SLC1A2: variants seen among roughly 807,000 people sequenced by gnomAD.
SLC1A2 encodes excitatory amino acid transporter 2.
Under a neutral mutation model 48.8 loss-of-function variants are expected in SLC1A2, and 15 were observed. The ratio of observed to expected loss-of-function variants is 0.31; its 90% CI spans 0.21 to 0.47. SLC1A2 has a LOEUF of 0.47. Ranked by LOEUF, SLC1A2 falls within the 20% of genes least tolerant of loss-of-function variation. The probability of loss-of-function intolerance (pLI) is 0.99; values close to 1 mark genes in which losing one functional copy is unlikely to be tolerated. For missense variants in SLC1A2, 502 were observed against 730.5 expected (o/e 0.69, Z 3.61); for synonymous variants, 279 against 272.6 (o/e 1.02, Z -0.23).
intron 1 of SLC1A2, among the ~76,000 whole-genome samples, chr11:35,349,530 T>C (rs1853164618): frequency 6.6e-6 from 1 of 152,162 alleles, no homozygotes; most frequent in Non-Finnish European, 1.5e-5. Flanking sequence ...CTCCCTTCCG[T>C]TAGTGAGAAA....
At chr11:35,378,050 A>G (rs778150671) in intron 1 of SLC1A2, among the ~76,000 whole-genome samples, 8 of 152,236 alleles carry the variant, frequency 5.3e-5, no homozygotes, top group Non-Finnish European at 1.2e-4. Context: ...ATAAAGCCAT[A>G]CAGAACCACA....
chr11:35,304,562 A>G (rs1851447891), intron 5 of SLC1A2, among the ~76,000 whole-genome samples: 1 of 152,116 alleles, frequency 6.6e-6, no homozygotes, highest in South Asian at 2.1e-4. Context: ...AACAATGTTT[A>G]TTGATCTTCC....
chr11:35,411,225 T>C (rs1331119261), intron 1 of SLC1A2, among the ~76,000 whole-genome samples: 1 of 152,220 alleles, frequency 6.6e-6, no homozygotes. Context: ...ATATTTATTC[T>C]TCACACCTTT....
intron 1 of SLC1A2, among the ~76,000 whole-genome samples, chr11:35,405,973 G>T (rs987654551): frequency 1.6e-4 from 25 of 152,294 alleles, no homozygotes; most frequent in African/African-American, 5.8e-4. Flanking sequence ...TTGCGAGGTA[G>T]ACAATTCAAT....
chr11:35,310,234 C>A (rs1265316328), intron 4 of SLC1A2, among the ~76,000 whole-genome samples: 1 of 152,208 alleles, frequency 6.6e-6, no homozygotes, highest in Non-Finnish European at 1.5e-5. Context: ...ATGCTCCACT[C>A]TCCCCCAATC....
rs1950377866 is a variant in SLC1A2, at chr11:35,260,586, T to C, written c.*308A>G. On this transcript the variant is annotated 3_prime_UTR_variant, in exon 11 of 11. Coordinates refer to ENST00000278379, the MANE Select transcript of SLC1A2 (RefSeq NM_004171.4). ...CCTGGGAAAAGAGCATCCACATTTC[T>C]GCATCTTGGGAGAAAAGGGAAGCTG... is the stretch of plus-strand genomic sequence containing the variant. The C allele has an allele frequency of 2.9e-6, 1 of 349,156 alleles. No homozygotes were observed. Among genetic ancestry groups the C allele is most frequent in the South Asian group, 3.1e-5 (1 of 31,930 alleles). 21.6% of individuals were successfully genotyped at this position (349,156 alleles called of 1,614,324 possible). A position where few individuals can be genotyped will look rare whatever the true frequency, so the allele number is the denominator to read the frequency against.
rs1854148097 is a variant in SLC1A2, at chr11:35,374,211, G to A, written c.17+44739C>T. 1.4e-5 allele frequency: 8 copies of A among 559,540 alleles called. No individual in the cohort carries two copies. The South Asian group carries it at 1.6e-4, about 11-fold the overall frequency. The allele number at this position is 559,540 out of a possible 1,614,324, so 34.7% of individuals were successfully genotyped here. On this transcript the variant is annotated intron_variant, in intron 1 of 10. Transcript: ENST00000278379. ...CACAGCCTCCCTCGCTCTGTGACTT[G>A]CTGGCTTTGAATGATTTATAGCTAA...
At chr11:35,317,935 T>A (rs1288365411) in intron 1 of SLC1A2, among the ~76,000 whole-genome samples, 2 of 152,234 alleles carry the variant, frequency 1.3e-5, no homozygotes, top group East Asian at 3.8e-4. Context: ...AGGAGAGTCA[T>A]ACTTGAGTTA....
chr11:35,355,263 A>T (rs1352933614), intron 1 of SLC1A2, among the ~76,000 whole-genome samples: 1 of 152,212 alleles, frequency 6.6e-6, no homozygotes, highest in Non-Finnish European at 1.5e-5. Context: ...CAAAGGTAAG[A>T]CGGTCTGTGA....
chr11:35,272,122 G>A (rs558807556), intron 9 of SLC1A2, among the ~76,000 whole-genome samples: 1 of 152,282 alleles, frequency 6.6e-6, no homozygotes, highest in African/African-American at 2.4e-5. Context: ...ATGAGAAGAG[G>A]TTGGTGGGGA....
intron 1 of SLC1A2, among the ~76,000 whole-genome samples, chr11:35,364,520 T>C: frequency 6.6e-6 from 1 of 152,230 alleles, no homozygotes; most frequent in Non-Finnish European, 1.5e-5. Flanking sequence ...GATTTTCTTT[T>C]CAAAGAGCTA....
At chr11:35,281,794 ACT>A (rs1048902291) in intron 8 of SLC1A2, 2 of 151,706 alleles carry the variant, frequency 1.3e-5, no homozygotes, top group African/African-American at 4.8e-5. Context: ...AAGGGCAGTG[ACT>A]CTTTTTCCTC....
chr11:35,391,391 G>A (rs1854764043), intron 1 of SLC1A2: 2 of 152,198 alleles, frequency 1.3e-5, no homozygotes, highest in African/African-American at 4.8e-5. Context: ...ATGAGGCTCT[G>A]GGCGATTAAG....
chr11:35,297,820 T>C (rs940805327), intron 6 of SLC1A2: 1 of 152,210 alleles, frequency 6.6e-6, no homozygotes, highest in Admixed American at 6.5e-5. Flanking sequence ...TACTAATCCA[T>C]GTAAAGTGCT....
intron 1 of SLC1A2, among the ~76,000 whole-genome samples, chr11:35,345,320 T>C (rs1852989306): frequency 2.0e-5 from 3 of 152,202 alleles, no homozygotes; most frequent in Admixed American, 2.0e-4. Context: ...TCTTCCCTCC[T>C]TTCTCTCCTG....
At chr11:35,305,128 G>A (rs1396702566) in intron 5 of SLC1A2, among the ~76,000 whole-genome samples, 2 of 152,226 alleles carry the variant, frequency 1.3e-5, no homozygotes, top group African/African-American at 4.8e-5. Context: ...CACCATTCTA[G>A]TGATGGATGG....
chr11:35,257,132 G>C lies in SLC1A2; in HGVS notation c.*3762C>G, dbSNP rs1040544718. On this transcript the variant is annotated 3_prime_UTR_variant, in exon 11 of 11. Transcript: ENST00000278379. ...TTCCCAACCACTTTGCTCCAAAAGG[G>C]CTTCTTGACTAGATACATATGCAAA... 6.6e-6 allele frequency: 1 copy of C among 152,142 alleles called. No individual in the cohort carries two copies. Among genetic ancestry groups the C allele is most frequent in the African/African-American group, 2.4e-5 (1 of 41,440 alleles). 9.4% of individuals were successfully genotyped at this position (152,142 alleles called of 1,614,324 possible). A position where few individuals can be genotyped will look rare whatever the true frequency, so the allele number is the denominator to read the frequency against.
intron 8 of SLC1A2, among the ~76,000 whole-genome samples, chr11:35,283,544 T>C (rs929384711): frequency 3.3e-5 from 5 of 152,170 alleles, no homozygotes; most frequent in African/African-American, 1.2e-4. Context: ...ACAAACCCTG[T>C]GTAGATAAAT....
At chr11:35,414,790 TAGA>T (rs1388119719) in intron 1 of SLC1A2, among the ~76,000 whole-genome samples, 2 of 152,244 alleles carry the variant, frequency 1.3e-5, no homozygotes, top group Non-Finnish European at 2.9e-5. Flanking sequence ...CTACTATTCC[TAGA>T]AGATTTAATA....
Sources: gnomAD v4.1 joint callset for allele counts (sites outside exome capture counted in the v4.1 genomes callset) on GRCh38, gnomAD v4.1.1 for gene constraint, MANE v1.5 for transcripts, NCBI Gene and HGNC (gene_info 2026-07-23, HGNC 2026-07-21) for gene names.